Variants in CSDE1 observed in about 807,000 individuals in gnomAD.
The protein encoded by CSDE1 is cold shock domain containing E1, also known as cold shock domain-containing protein E1.
CSDE1 carries 17 observed loss-of-function variants against 89.3 expected under a neutral mutation model. The ratio of observed to expected loss-of-function variants is 0.19; its 90% CI spans 0.13 to 0.29. The LOEUF (loss-of-function observed/expected upper bound fraction) is 0.29. Ranked by LOEUF, CSDE1 falls within the 10% of genes least tolerant of loss-of-function variation. The pLI is 1.00. For missense variants in CSDE1, 672 were observed against 984.2 expected (o/e 0.68, Z 4.24); for synonymous variants, 322 against 332.8 (o/e 0.97, Z 0.35).
At chr1:114,752,541 T>G (rs1409138600) in intron 1 of CSDE1, among the ~76,000 whole-genome samples, 1 of 152,208 alleles carries the variant, frequency 6.6e-6, no homozygotes, top group Non-Finnish European at 1.5e-5. Flanking sequence ...GGTGTCTCTA[T>G]TCTACCTTCC....
rs769852980 is a variant in CSDE1, at chr1:114,733,819, T to C, written c.750A>G (p.Gln250=). ...TGATATCTTCAAAAATGACTGTTCC[T>C]TGAGGCAATAGTCTGACATCTGTTG... ...EVATDVRLLP[Q]GTVIFEDISI... is the part of the protein sequence containing the mutation. The change falls in exon 9 of 20, where the codon CAA becomes CAG. Residue 250 remains glutamine, a synonymous_variant. Transcript: ENST00000358528. The C allele has an allele frequency of 8.7e-6, 14 of 1,613,924 alleles. No individual in the cohort carries two copies. Among genetic ancestry groups the C allele is most frequent in the Non-Finnish European group, 1.1e-5 (13 of 1,179,952 alleles).
At chr1:114,747,280 G>A (rs1364121773) in intron 2 of CSDE1, among the ~76,000 whole-genome samples, 4 of 151,908 alleles carry the variant, frequency 2.6e-5, no homozygotes, top group Non-Finnish European at 5.9e-5. Flanking sequence ...TTAAAATCTG[G>A]GGGTTCCATT....
intron 13 of CSDE1, 30 bp from the exon 14 acceptor site, chr1:114,726,416 CAT>C: frequency 6.4e-7 from 1 of 1,571,328 alleles, no homozygotes; most frequent in Admixed American, 1.8e-5. Context: ...TCATTAACAC[CAT>C]ATCACTTCCA....
intron 1 of CSDE1, among the ~76,000 whole-genome samples, chr1:114,757,091 C>T (rs1427998908): frequency 1.3e-5 from 2 of 152,206 alleles, no homozygotes; most frequent in African/African-American, 4.8e-5. Flanking sequence ...ACTGAGCTTT[C>T]AGGGCGCACG....
chr1:114,755,584 T>C (rs1305841718), intron 1 of CSDE1, among the ~76,000 whole-genome samples: 2 of 152,200 alleles, frequency 1.3e-5, no homozygotes, highest in Non-Finnish European at 2.9e-5. Context: ...AACAAAGGAC[T>C]TTTTAAAATC....
chr1:114,732,540 T>C, intron 10 of CSDE1, 64 bp downstream of exon 10: 2 of 1,504,744 alleles, frequency 1.3e-6, no homozygotes, highest in Non-Finnish European at 1.8e-6. Context: ...TTTAGTAGTA[T>C]AAACTTGAAT....
At chr1:114,743,935 T>C (rs1660872666) in intron 2 of CSDE1, among the ~76,000 whole-genome samples, 1 of 152,246 alleles carries the variant, frequency 6.6e-6, no homozygotes, top group Admixed American at 6.5e-5. Context: ...GATAAGTTGA[T>C]GTGACATGTG....
intron 18 of CSDE1, among the ~76,000 whole-genome samples, chr1:114,719,278 G>T (rs539199975): frequency 2.0e-5 from 3 of 152,290 alleles, no homozygotes; most frequent in Admixed American, 6.5e-5. Context: ...CTGGGTAACC[G>T]AATCAGACTG....
intron 12 of CSDE1, among the ~76,000 whole-genome samples, chr1:114,728,084 C>T (rs1273756117): frequency 1.3e-5 from 2 of 152,144 alleles, no homozygotes; most frequent in Non-Finnish European, 2.9e-5. Context: ...ATTTATTGAA[C>T]ACTTACAACA....
At position 114,732,595 on chromosome 1, in the gene CSDE1, A is replaced by G. The variant is rs1441056208; in HGVS notation, c.1050+9T>C. 2.5e-6 allele frequency: 4 copies of G among 1,612,422 alleles called. No homozygotes were observed. Among genetic ancestry groups the G allele is most frequent in the Non-Finnish European group, 3.4e-6 (4 of 1,178,574 alleles). On this transcript the variant is annotated intron_variant, in intron 10 of 19. Transcript: ENST00000358528. ...ATTAGATACATATCCAGTAATATCC[A>G]ACACTTACCATTTCTCGGGCTTCAT...
Position 114,718,755 on chromosome 1 carries a change from A to G in CSDE1, c.2217-10T>C. ...AGCCTTGGGGCCCTCACTGTAATTA[A>G]GTCAAAAGATGAGAAGAAACCACAC... is the stretch of plus-strand genomic sequence containing the variant. On this transcript the variant is annotated splice_polypyrimidine_tract_variant and intron_variant, in intron 18 of 19. Transcript: ENST00000358528. 1 of 1,612,980 alleles carries G rather than the reference A, an allele frequency of 6.2e-7. No homozygotes were observed.
chr1:114,734,764 T>C (rs1660300952), intron 6 of CSDE1, among the ~76,000 whole-genome samples: 1 of 152,206 alleles, frequency 6.6e-6, no homozygotes, highest in Non-Finnish European at 1.5e-5. Flanking sequence ...TCTCTGGGAC[T>C]GTTGTTGGAA....
chr1:114,756,294 C>T (rs1661591914), intron 1 of CSDE1, among the ~76,000 whole-genome samples: 1 of 152,184 alleles, frequency 6.6e-6, no homozygotes, highest in African/African-American at 2.4e-5. Context: ...CAAACTATTA[C>T]CTTCTCTTTT....
chr1:114,731,260 C>T (rs1660083079), intron 10 of CSDE1, among the ~76,000 whole-genome samples: 1 of 152,004 alleles, frequency 6.6e-6, no homozygotes, highest in East Asian at 1.9e-4. Context: ...CTGCTCACTG[C>T]AGAAGTGATT....
chr1:114,755,324 A>G (rs1661531989), intron 1 of CSDE1, among the ~76,000 whole-genome samples: 1 of 152,204 alleles, frequency 6.6e-6, no homozygotes, highest in African/African-American at 2.4e-5. Flanking sequence ...TTCACTAATA[A>G]AAGTAGGCAG....
At chr1:114,750,876 A>G (rs1333804503) in intron 1 of CSDE1, among the ~76,000 whole-genome samples, 1 of 152,260 alleles carries the variant, frequency 6.6e-6, no homozygotes, top group Non-Finnish European at 1.5e-5. Flanking sequence ...AGCAGCGACC[A>G]TGCATTCTAT....
At chr1:114,725,092 G>A in intron 15 of CSDE1, 129 bp downstream of exon 15, 5 of 730,662 alleles carry the variant, frequency 6.8e-6, no homozygotes, top group South Asian at 1.6e-5. Flanking sequence ...ACCAGGTGAT[G>A]CTGCTGTTCT....
chr1:114,743,842 C>G (rs1660867587), intron 2 of CSDE1, among the ~76,000 whole-genome samples: 1 of 152,230 alleles, frequency 6.6e-6, no homozygotes, highest in East Asian at 1.9e-4. Context: ...CTGACTAGAG[C>G]TCTCTTTCCC....
At chr1:114,737,893 T>C in intron 4 of CSDE1, 70 bp downstream of exon 4, 2 of 1,042,580 alleles carry the variant, frequency 1.9e-6, no homozygotes, top group Non-Finnish European at 3.0e-6. Context: ...GGGGAGAATC[T>C]TCCTTTTCTA....
Sources: gnomAD v4.1 joint callset for allele counts (sites outside exome capture counted in the v4.1 genomes callset) on GRCh38, gnomAD v4.1.1 for gene constraint, MANE v1.5 for transcripts, NCBI Gene and HGNC (gene_info 2026-07-23, HGNC 2026-07-21) for gene names.